PCDHGB7: variants seen among roughly 807,000 people sequenced by gnomAD.
PCDHGB7 encodes the protein protocadherin gamma-B7.
A neutral mutation model predicts 61.4 loss-of-function variants in PCDHGB7; 37 were observed. The observed-to-expected ratio is 0.60, with a 90% confidence interval of 0.46 to 0.79. The LOEUF (loss-of-function observed/expected upper bound fraction) is 0.79. PCDHGB7 is among the 30% of genes least tolerant of loss of function. PCDHGB7 has a pLI of 0.00. For synonymous variants in PCDHGB7, 464 were observed against 503.5 expected (o/e 0.92, Z 1.05); for missense variants, 1,166 against 1,202.5 (o/e 0.97, Z 0.45).
chr5:141,466,812 G>A (rs1394979761), intron 1 of PCDHGB7, among the ~76,000 whole-genome samples: 3 of 151,940 alleles, frequency 2.0e-5, no homozygotes, highest in Non-Finnish European at 4.4e-5. Flanking sequence ...ATTCAGACAT[G>A]GTATAACAAG....
intron 1 of PCDHGB7, chr5:141,428,184 C>G: frequency 6.8e-7 from 1 of 1,463,674 alleles, no homozygotes; most frequent in Middle Eastern, 1.7e-4. Flanking sequence ...GGAGGACAGC[C>G]GCCGCTCTCT....
chr5:141,474,687 A>G (rs369586568), intron 1 of PCDHGB7, among the ~76,000 whole-genome samples: 35 of 152,302 alleles, frequency 2.3e-4, no homozygotes, highest in African/African-American at 7.7e-4. Flanking sequence ...CTACCCCTTC[A>G]CTTATGTTCA....
At chr5:141,460,961 A>ATG (rs35821115) in intron 1 of PCDHGB7, among the ~76,000 whole-genome samples, 128 of 144,610 alleles carry the variant, frequency 8.9e-4, no homozygotes, top group Middle Eastern at 7.1e-3. Context: ...GTATATATAT[A>ATG]TGTGTGTGTG....
rs374253072 is a variant in PCDHGB7, at chr5:141,476,894, G to A, written c.2416-17913G>A. ...GCGCGTCCTGGAGGATGCACCCTCCGGCACGCGCGTGGTACAAGTCCTTGC... is the reference window on the plus strand; with the variant it reads ...GCGCGTCCTGGAGGATGCACCCTCCAGCACGCGCGTGGTACAAGTCCTTGC... On this transcript the variant is annotated intron_variant, in intron 1 of 3. Transcript: ENST00000398594. The surrounding 1 kb of genome is among the most constrained non-coding windows in gnomAD (Gnocchi z 7.6). 48 of 1,613,834 alleles carry A rather than the reference G, an allele frequency of 3.0e-5. No homozygotes were observed. In the African/African-American group the frequency reaches 5.6e-4, roughly 19 times the overall value.
intron 2 of PCDHGB7, among the ~76,000 whole-genome samples, chr5:141,496,856 G>A (rs1324235700): frequency 6.7e-6 from 1 of 150,206 alleles, no homozygotes; most frequent in African/African-American, 2.5e-5. Context: ...CAGACCAGCA[G>A]AGGAGACTGA....
Position 141,495,452 on chromosome 5 carries a change from CTCTG to C in PCDHGB7, c.2474+593_2474+596del, listed in dbSNP as rs550877100. ...GTCCTCTGCCCCTACTTGTCCTGCTCTCTGTCTGTGGGGTCTCCGTGTCTCTGCC... is the reference window on the plus strand; with the variant it reads ...GTCCTCTGCCCCTACTTGTCCTGCTCTCTGTGGGGTCTCCGTGTCTCTGCC... On this transcript the variant is annotated intron_variant, in intron 2 of 3. Coordinates refer to ENST00000398594, the MANE Select transcript of PCDHGB7 (RefSeq NM_018927.4). 5.6e-4 allele frequency among the ~76,000 whole-genome samples: 85 copies of C among 152,356 alleles called. 1 individual carries two copies. Among genetic ancestry groups the C allele is most frequent in the Admixed American group, 3.5e-3 (53 of 15,310 alleles).
intron 1 of PCDHGB7, among the ~76,000 whole-genome samples, chr5:141,455,289 A>C (rs1592356100): frequency 6.6e-6 from 1 of 152,074 alleles, no homozygotes; most frequent in South Asian, 2.1e-4. Flanking sequence ...ATCACTTTAC[A>C]TAGTTTCATC....
chr5:141,439,889 C>T (rs997306014), intron 1 of PCDHGB7: 1 of 152,348 alleles, frequency 6.6e-6, no homozygotes, highest in Admixed American at 6.5e-5. Context: ...CTGGGTAGAA[C>T]CAAGGCGACT....
At chr5:141,428,174 G>A (rs962782246) in intron 1 of PCDHGB7, 3 of 1,515,246 alleles carry the variant, frequency 2.0e-6, no homozygotes, top group Non-Finnish European at 2.7e-6. Context: ...TGTGCGTGAC[G>A]GAGGACAGCC....
chr5:141,422,928 C>T lies in PCDHGB7; in HGVS notation c.2415+2654C>T, dbSNP rs781145334. 4 of 1,614,128 alleles carry T rather than the reference C, an allele frequency of 2.5e-6. No individual in the cohort carries two copies. In the African/African-American group the frequency reaches 4.0e-5, roughly 16 times the overall value. On this transcript the variant is annotated intron_variant, in intron 1 of 3. Transcript: ENST00000398594. ...ATGCGCCCGAGATCCTGTACCCTGC[C>T]CTCCCCACAGACGGCTCCACTGGCG...
chr5:141,458,674 A>G (rs1315462699), intron 1 of PCDHGB7, among the ~76,000 whole-genome samples: 1 of 152,104 alleles, frequency 6.6e-6, no homozygotes, highest in East Asian at 1.9e-4. Flanking sequence ...GGTTCAAGCA[A>G]TTCTACTGCC....
intron 2 of PCDHGB7, among the ~76,000 whole-genome samples, chr5:141,500,399 C>T (rs966328306): frequency 1.3e-5 from 2 of 151,806 alleles, no homozygotes; most frequent in South Asian, 2.1e-4. Context: ...TTAGTAGAGA[C>T]GGGGTTTCAC....
intron 1 of PCDHGB7, chr5:141,423,473 C>A: frequency 6.2e-7 from 1 of 1,614,010 alleles, no homozygotes; most frequent in Non-Finnish European, 8.5e-7. Flanking sequence ...GGGGTACAGG[C>A]TTTCCTGCAA....
intron 1 of PCDHGB7, among the ~76,000 whole-genome samples, chr5:141,425,869 C>T (rs1376765137): frequency 2.0e-5 from 3 of 152,198 alleles, no homozygotes. Context: ...TATAGATTCC[C>T]ATCTCTAAGG....
At chr5:141,463,796 G>T (rs139760353) in intron 1 of PCDHGB7, among the ~76,000 whole-genome samples, 3 of 152,114 alleles carry the variant, frequency 2.0e-5, no homozygotes, top group Non-Finnish European at 2.9e-5. Flanking sequence ...TTGAACAAAT[G>T]TCTAAAAGCT....
At position 141,485,144 on chromosome 5, in the gene PCDHGB7, G is replaced by A; in HGVS notation, c.2416-9663G>A. 6.4e-7 allele frequency: 1 copy of A among 1,564,192 alleles called. No homozygotes were observed. The highest frequency in any genetic ancestry group is 1.7e-5 in the Admixed American group (1 of 59,326). On this transcript the variant is annotated intron_variant, in intron 1 of 3. Transcript: ENST00000398594. This position sits in a 1 kb window ranked among gnomAD's most constrained non-coding sequence, Gnocchi z 5.7. ...CGGGTCGGCTTCATCCGCGTCTCAG[G>A]AGCAAGTAGAGAATTAGCGGGCGGC...
chr5:141,454,860 T>G (rs62379170), intron 1 of PCDHGB7, among the ~76,000 whole-genome samples: 5,850 of 133,200 alleles, frequency 0.044, 153 homozygotes, highest in Middle Eastern at 0.11. Context: ...CAGGCTGGAG[T>G]GCAGTGGCAC....
intron 2 of PCDHGB7, among the ~76,000 whole-genome samples, chr5:141,501,061 G>T (rs746369272): frequency 1.5e-4 from 23 of 152,118 alleles, no homozygotes; most frequent in Non-Finnish European, 2.1e-4. Flanking sequence ...TAGAGACGGG[G>T]TTTCACCATG....
intron 2 of PCDHGB7, among the ~76,000 whole-genome samples, chr5:141,496,054 G>A (rs180707408): frequency 6.6e-6 from 1 of 150,988 alleles, no homozygotes; most frequent in Admixed American, 6.6e-5. Context: ...TTTTGTGCTT[G>A]TGGGCAAGCC....
Sources: allele counts gnomAD v4.1 joint callset (sites outside exome capture counted in the v4.1 genomes callset), GRCh38; gene constraint gnomAD v4.1.1; non-coding constraint Gnocchi (gnomAD v3.1); transcripts MANE v1.5; gene names NCBI Gene and HGNC (gene_info 2026-07-23, HGNC 2026-07-21).